LMO1: variants seen among roughly 807,000 people sequenced by gnomAD.
LMO1 encodes the protein rhombotin-1.
LMO1 carries 10 observed loss-of-function variants against 18.0 expected under a neutral mutation model. The observed-to-expected ratio is 0.55, with a 90% confidence interval of 0.34 to 0.94. The LOEUF (loss-of-function observed/expected upper bound fraction) is 0.94. Ranked by LOEUF, LMO1 falls within the 40% of genes least tolerant of loss-of-function variation. The pLI is 0.02. For missense variants in LMO1, 183 were observed against 205.7 expected (o/e 0.89, Z 0.68); for synonymous variants, 77 against 77.9 (o/e 0.99, Z 0.06).
chr11:8,225,582 C>T (rs1952524272), intron 3 of LMO1, among the ~76,000 whole-genome samples: 1 of 152,028 alleles, frequency 6.6e-6, no homozygotes, highest in South Asian at 2.1e-4. Context: ...AGGAGGTAAC[C>T]CCGTTCCACT....
upstream of LMO1, among the ~76,000 whole-genome samples, chr11:8,266,222 T>C (rs1210032095): frequency 3.3e-5 from 5 of 152,142 alleles, no homozygotes; most frequent in Admixed American, 3.3e-4. Flanking sequence ...TCACAGCAAG[T>C]CTTGGAGGGT....
intron 3 of LMO1, among the ~76,000 whole-genome samples, chr11:8,226,055 G>A (rs1952533897): frequency 6.6e-6 from 1 of 152,234 alleles, no homozygotes; most frequent in Non-Finnish European, 1.5e-5. Flanking sequence ...GGCTGGGTGA[G>A]GAGAGAGTGG....
upstream of LMO1, chr11:8,268,626 G>A (rs1032207287): frequency 2.7e-6 from 1 of 367,842 alleles, no homozygotes; most frequent in Non-Finnish European, 4.7e-6. Flanking sequence ...CCGCGGGCAG[G>A]GAGCGCAGGA....
At chr11:8,252,558 C>T (rs1271572312) in intron 1 of LMO1, among the ~76,000 whole-genome samples, 1 of 152,270 alleles carries the variant, frequency 6.6e-6, no homozygotes, top group African/African-American at 2.4e-5. Flanking sequence ...AATGTCACAT[C>T]TGTGATTCAT....
At chr11:8,256,582 C>T (rs1353391239) in intron 1 of LMO1, among the ~76,000 whole-genome samples, 1 of 152,248 alleles carries the variant, frequency 6.6e-6, no homozygotes, top group Non-Finnish European at 1.5e-5. Flanking sequence ...AATTTGCCCC[C>T]AGTTGTATCA....
chr11:8,258,948 G>A (rs1035210147), intron 1 of LMO1, among the ~76,000 whole-genome samples: 1 of 152,154 alleles, frequency 6.6e-6, no homozygotes, highest in Non-Finnish European at 1.5e-5. Flanking sequence ...CTCCTGAAAG[G>A]CTCTCTCCTG....
intron 1 of LMO1, among the ~76,000 whole-genome samples, chr11:8,254,728 G>A (rs189436350): frequency 2.0e-5 from 3 of 151,860 alleles, no homozygotes; most frequent in Non-Finnish European, 2.9e-5. Context: ...TCACAGGTTC[G>A]TCACCCTTCC....
intron 1 of LMO1, among the ~76,000 whole-genome samples, chr11:8,243,880 G>T (rs1241706039): frequency 1.3e-5 from 2 of 152,222 alleles, no homozygotes; most frequent in Non-Finnish European, 2.9e-5. Context: ...GGTCCCTGTT[G>T]AGCCCCATTT....
chr11:8,258,978 A>G (rs990975719), intron 1 of LMO1, among the ~76,000 whole-genome samples: 4 of 152,220 alleles, frequency 2.6e-5, no homozygotes. Context: ...ATTGGGCATC[A>G]GTAGTTAATG....
At chr11:8,234,596 T>G (rs1952728798) in intron 1 of LMO1, among the ~76,000 whole-genome samples, 2 of 152,126 alleles carry the variant, frequency 1.3e-5, no homozygotes, top group Admixed American at 6.5e-5. Context: ...GCCCAGAACG[T>G]CTACCTCACC....
At chr11:8,244,604 T>A (rs987995722) in intron 1 of LMO1, among the ~76,000 whole-genome samples, 4 of 152,236 alleles carry the variant, frequency 2.6e-5, no homozygotes, top group African/African-American at 9.6e-5. Context: ...CTTCCCTAAG[T>A]GTGTACTTTT....
intron 1 of LMO1, among the ~76,000 whole-genome samples, chr11:8,237,786 C>CA (rs1415863645): frequency 6.6e-6 from 1 of 152,238 alleles, no homozygotes; most frequent in African/African-American, 2.4e-5. Context: ...CTGCTCACCC[C>CA]TCAAGGGAGC....
chr11:8,235,306 T>C (rs1289152537), intron 1 of LMO1, among the ~76,000 whole-genome samples: 1 of 152,242 alleles, frequency 6.6e-6, no homozygotes, highest in Non-Finnish European at 1.5e-5. Flanking sequence ...CCACATTTGA[T>C]TTAACCTCCA....
intron 2 of LMO1, among the ~76,000 whole-genome samples, chr11:8,227,332 AG>A (rs1952566876): frequency 6.6e-6 from 1 of 152,176 alleles, no homozygotes; most frequent in African/African-American, 2.4e-5. Flanking sequence ...GGGGGTCAGG[AG>A]TTGGCTGCCA....
At chr11:8,251,631 A>G (rs953675488) in intron 1 of LMO1, among the ~76,000 whole-genome samples, 7 of 152,082 alleles carry the variant, frequency 4.6e-5, no homozygotes, top group African/African-American at 1.7e-4. Flanking sequence ...GTGAGAAAAA[A>G]ATCCAGCAGC....
At chr11:8,250,674 GAC>G (rs1404625058) in intron 1 of LMO1, among the ~76,000 whole-genome samples, 1 of 152,278 alleles carries the variant, frequency 6.6e-6, no homozygotes, top group Non-Finnish European at 1.5e-5. Flanking sequence ...GCCTGGAAGA[GAC>G]AGCCTCTGAC....
intron 1 of LMO1, 66 bp from the exon 2 acceptor site, chr11:8,230,570 C>T (rs1305898811): frequency 6.7e-7 from 1 of 1,502,848 alleles, no homozygotes; most frequent in East Asian, 2.3e-5. Context: ...AAGGAATATC[C>T]CCCAAGAATG....
intron 1 of LMO1, among the ~76,000 whole-genome samples, chr11:8,260,400 C>T (rs1396461879): frequency 6.6e-6 from 1 of 152,132 alleles, no homozygotes; most frequent in African/African-American, 2.4e-5. Flanking sequence ...AAGCCCGGAC[C>T]CTGAGTTCCA....
At chr11:8,268,698 G>C (rs955742475), upstream of LMO1, 2 of 265,118 alleles carry the variant, frequency 7.5e-6, no homozygotes, top group Non-Finnish European at 1.4e-5. Context: ...GGAGCCTCGC[G>C]AGCAGCAGCT....
Sources: gnomAD v4.1 joint callset for allele counts (sites outside exome capture counted in the v4.1 genomes callset) on GRCh38, gnomAD v4.1.1 for gene constraint, MANE v1.5 for transcripts, NCBI Gene and HGNC (gene_info 2026-07-23, HGNC 2026-07-21) for gene names.